Variants in SHANK2 observed in about 807,000 individuals in gnomAD.
SHANK2 encodes SH3 and multiple ankyrin repeat domains 2, also known as SH3 and multiple ankyrin repeat domains protein 2.
In SHANK2, 43 loss-of-function variants were observed where a neutral mutation model predicts 133.7. The observed-to-expected ratio is 0.32, with a 90% CI of 0.25 to 0.41. The LOEUF (loss-of-function observed/expected upper bound fraction) is 0.41. SHANK2 is among the 10% of genes least tolerant of loss of function. The pLI is 1.00. For synonymous variants in SHANK2, 1,017 were observed against 952.8 expected (o/e 1.07, Z -1.24); for missense variants, 1,994 against 2,235.8 (o/e 0.89, Z 2.18).
intron 15 of SHANK2, chr11:70,668,690 G>T (rs1555015342): frequency 6.6e-6 from 1 of 152,430 alleles, no homozygotes; most frequent in African/African-American, 2.4e-5. Flanking sequence ...CGGGCACCTG[G>T]AAGACTTCCT....
At chr11:70,854,467 C>CA (rs1264966694) in intron 11 of SHANK2, among the ~76,000 whole-genome samples, 1 of 152,198 alleles carries the variant, frequency 6.6e-6, no homozygotes, top group Non-Finnish European at 1.5e-5. Flanking sequence ...GCAGGTGCCT[C>CA]AGATTCCACC....
chr11:71,119,107 A>G, intron 3 of SHANK2, 75 bp from the exon 4 acceptor site: 1 of 1,313,668 alleles, frequency 7.6e-7, no homozygotes, highest in Non-Finnish European at 1.1e-6. Flanking sequence ...GCGCGTGGTC[A>G]GAGAGGCAAA....
chr11:70,766,989 G>T (rs990064535), intron 14 of SHANK2, among the ~76,000 whole-genome samples: 3 of 152,236 alleles, frequency 2.0e-5, no homozygotes, highest in Admixed American at 2.0e-4. Context: ...TGTCCACTCT[G>T]CTAGCTCTGG....
intron 11 of SHANK2, chr11:70,895,253 T>G (rs531866860): frequency 1.3e-5 from 2 of 152,702 alleles, no homozygotes; most frequent in South Asian, 4.1e-4. Context: ...AGGGCACACA[T>G]GCCACACGGT....
At chr11:70,916,055 GAGGCCTA>G (rs1555079820) in intron 10 of SHANK2, among the ~76,000 whole-genome samples, 2 of 152,190 alleles carry the variant, frequency 1.3e-5, no homozygotes, top group African/African-American at 4.8e-5. Flanking sequence ...CATGTCTAGG[GAGGCCTA>G]CATATTTTCT....
Position 70,485,747 on chromosome 11 carries a change from T to C in SHANK2, c.4546A>G (p.Ile1516Val). The change falls in exon 25 of 26, where the codon ATC (isoleucine) becomes GTC (valine). Residue 1516 changes from isoleucine (I) to valine (V), a missense_variant. This residue lies in a region of SHANK2 where 797 missense variants were observed against 907.4 expected (regional missense o/e 0.88). Transcript: ENST00000601538. The surrounding 1 kb of genome is among the most constrained non-coding windows in gnomAD (Gnocchi z 5.8). The part of the protein sequence containing the change: ...TTSTISTVSS[I>V]STLSSEGGEN... The stretch of plus-strand genomic sequence containing the variant: ...CCACCTTCGGAAGACAGGGTGGAGA[T>C]GCTAGACACGGTGGAGATAGTGCTG... The C allele has an allele frequency of 6.2e-7, 1 of 1,614,012 alleles. No individual in the cohort carries two copies. Among genetic ancestry groups the C allele is most frequent in the Non-Finnish European group, 8.5e-7 (1 of 1,180,008 alleles).
intron 9 of SHANK2, among the ~76,000 whole-genome samples, chr11:71,067,532 G>C (rs1299099355): frequency 3.3e-5 from 5 of 152,186 alleles, no homozygotes; most frequent in Admixed American, 2.6e-4. Context: ...CATAAAAGAA[G>C]AGAGAACATT....
intron 21 of SHANK2, among the ~76,000 whole-genome samples, chr11:70,496,328 C>T (rs1375209490): frequency 1.3e-5 from 2 of 152,198 alleles, no homozygotes. Context: ...TAACAAACCC[C>T]ACAGCTGATG....
At chr11:71,062,195 A>G (rs1320547233) in intron 9 of SHANK2, among the ~76,000 whole-genome samples, 1 of 151,952 alleles carries the variant, frequency 6.6e-6, no homozygotes, top group African/African-American at 2.4e-5. Flanking sequence ...GGCTCAAGCA[A>G]TCTGTCCACC....
chr11:70,620,304 T>C (rs2060811399), intron 17 of SHANK2, among the ~76,000 whole-genome samples: 1 of 152,220 alleles, frequency 6.6e-6, no homozygotes, highest in Admixed American at 6.5e-5. Context: ...AGAAGAATCA[T>C]TACCTTGCCG....
intron 3 of SHANK2, among the ~76,000 whole-genome samples, 169 bp from the exon 4 acceptor site, chr11:71,119,201 G>C (rs1156733328): frequency 6.6e-6 from 1 of 152,158 alleles, no homozygotes; most frequent in African/African-American, 2.4e-5. Flanking sequence ...ACTGGTTGCT[G>C]GGACACAGAC....
intron 9 of SHANK2, among the ~76,000 whole-genome samples, chr11:71,057,989 C>T (rs1950942435): frequency 1.4e-5 from 2 of 145,406 alleles, no homozygotes; most frequent in Non-Finnish European, 3.0e-5. Flanking sequence ...TCACAGCTCA[C>T]AGCAGCCTCG....
rs2058555478 is a variant in SHANK2, at chr11:70,468,024, A to G, written c.*4845T>C. 6.5e-6 allele frequency: 1 copy of G among 152,686 alleles called. No individual in the cohort carries two copies. 9.5% of individuals were successfully genotyped at this position (152,686 alleles called of 1,614,324 possible). A position where few individuals can be genotyped will look rare whatever the true frequency, so the allele number is the denominator to read the frequency against. ...TTCTCAGTTCAGAAAACAAGGCACT[A>G]TAACTATTTTATCAGCTACATTAAT... On this transcript the variant is annotated 3_prime_UTR_variant, in exon 26 of 26. Transcript: ENST00000601538.
At chr11:70,590,288 G>A (rs1346929954) in intron 17 of SHANK2, among the ~76,000 whole-genome samples, 1 of 152,238 alleles carries the variant, frequency 6.6e-6, no homozygotes, top group African/African-American at 2.4e-5. Context: ...GTGATTTCTC[G>A]AGATGGAATC....
intron 17 of SHANK2, among the ~76,000 whole-genome samples, chr11:70,573,259 T>C (rs1445382756): frequency 2.5e-5 from 2 of 81,120 alleles, no homozygotes; most frequent in African/African-American, 4.9e-5. Context: ...GTGAGCTGGG[T>C]GGTCACTGCA....
intron 14 of SHANK2, among the ~76,000 whole-genome samples, chr11:70,795,081 C>T (rs956517716): frequency 1.3e-4 from 20 of 152,286 alleles, no homozygotes; most frequent in Admixed American, 3.9e-4. Context: ...CCCCGCCCTC[C>T]TCGACTCCTC....
intron 17 of SHANK2, among the ~76,000 whole-genome samples, chr11:70,536,581 C>T (rs1006448904): frequency 2.6e-5 from 4 of 152,154 alleles, no homozygotes; most frequent in African/African-American, 9.7e-5. Flanking sequence ...CCCAGGGACC[C>T]GATTCCCACA....
At chr11:70,632,589 A>T (rs962330527) in intron 17 of SHANK2, among the ~76,000 whole-genome samples, 1 of 151,832 alleles carries the variant, frequency 6.6e-6, no homozygotes, top group Middle Eastern at 3.2e-3. Flanking sequence ...CAACAGAATC[A>T]TCTCCCCACA....
intron 17 of SHANK2, among the ~76,000 whole-genome samples, chr11:70,636,902 G>T (rs1591684576): frequency 6.6e-6 from 1 of 152,190 alleles, no homozygotes; most frequent in Admixed American, 6.5e-5. Context: ...GTGCAAGTGT[G>T]TGTGAACATG....
Sources: gnomAD v4.1 joint callset for allele counts (sites outside exome capture counted in the v4.1 genomes callset) on GRCh38, gnomAD v4.1.1 for gene constraint, gnomAD v4.1.1 regional missense constraint, Gnocchi (gnomAD v3.1) non-coding constraint, MANE v1.5 for transcripts, NCBI Gene and HGNC (gene_info 2026-07-23, HGNC 2026-07-21) for gene names.